Variants in SH3PXD2A observed in about 807,000 individuals in gnomAD.
The protein encoded by SH3PXD2A is SH3 and PX domain-containing protein 2A.
In SH3PXD2A, 32 loss-of-function variants were observed where a neutral mutation model predicts 115.2. The ratio of observed to expected loss-of-function variants is 0.28; its 90% confidence interval spans 0.21 to 0.37. SH3PXD2A has a LOEUF of 0.37. SH3PXD2A is among the 10% of genes least tolerant of loss of function. The pLI is 1.00. For synonymous variants in SH3PXD2A, 610 were observed against 629.1 expected, an observed-to-expected ratio of 0.97 and a Z score of 0.45; for missense variants, 1,328 against 1,498.7, an observed-to-expected ratio of 0.89 and a Z score of 1.88.
intron 5 of SH3PXD2A, 43 bp from the exon 6 acceptor site, chr10:103,693,099 C>T (rs753997646): frequency 6.3e-7 from 1 of 1,599,458 alleles, no homozygotes. Flanking sequence ...TAGGGCCGGG[C>T]GCGAGCGCGG....
chr10:103,803,715 A>T (rs1440952327), intron 1 of SH3PXD2A, among the ~76,000 whole-genome samples: 2 of 152,238 alleles, frequency 1.3e-5, no homozygotes, highest in Non-Finnish European at 2.9e-5. Flanking sequence ...GGACTGAATG[A>T]CATTGTCTAC....
Position 103,627,033 on chromosome 10 carries a change from A to G in SH3PXD2A, c.718+56T>C. On this transcript the variant is annotated intron_variant, in intron 9 of 14. Transcript: ENST00000369774. This position sits in a 1 kb window ranked among gnomAD's most constrained non-coding sequence, Gnocchi z 4.4. Reference sequence around the variant, plus strand: ...CTGTTGGTTCTAGGGAAAGAGTGAGAGAGCTGCCTCCAGAGGCCGCGTTGC... The same window carrying G: ...CTGTTGGTTCTAGGGAAAGAGTGAGGGAGCTGCCTCCAGAGGCCGCGTTGC... 1.1e-6 allele frequency: 1 copy of G among 923,602 alleles called. No individual in the cohort carries two copies. The highest frequency in any genetic ancestry group is 1.8e-6 in the Non-Finnish European group (1 of 555,046). The allele number at this position is 923,602 out of a possible 1,614,324, so 57.2% of individuals were successfully genotyped here. A position where few individuals can be genotyped will look rare whatever the true frequency, so the allele number is the denominator to read the frequency against.
At chr10:103,633,676 C>T (rs934863019) in intron 8 of SH3PXD2A, among the ~76,000 whole-genome samples, 7 of 127,752 alleles carry the variant, frequency 5.5e-5, no homozygotes, top group Admixed American at 1.0e-4. Flanking sequence ...TTCAGTGAGC[C>T]GAGATCATGC....
chr10:103,666,923 A>G lies in SH3PXD2A; in HGVS notation c.472+1685T>C, dbSNP rs1302165604. ...AGGCCGGGGGCTGTGTCCCTGCAAC[A>G]TGCCCCTCCCAGACCCTACCTTCAG... is the stretch of plus-strand genomic sequence containing the variant. On this transcript the variant is annotated intron_variant, in intron 7 of 14. Coordinates refer to ENST00000369774, the MANE Select transcript of SH3PXD2A (RefSeq NM_001394015.1). The surrounding 1 kb of genome is among the most constrained non-coding windows in gnomAD (Gnocchi z 4.5). Among the ~76,000 whole-genome samples the G allele has an allele frequency of 2.0e-5, 3 of 152,128 alleles. No homozygotes were observed. Among genetic ancestry groups the G allele is most frequent in the Non-Finnish European group, 4.4e-5 (3 of 68,018 alleles).
chr10:103,734,241 A>G (rs945610144), intron 4 of SH3PXD2A, among the ~76,000 whole-genome samples: 1 of 152,150 alleles, frequency 6.6e-6, no homozygotes, highest in Admixed American at 6.5e-5. Flanking sequence ...ACATTATAAC[A>G]CATTATACCA....
chr10:103,765,222 C>T (rs56030972), intron 3 of SH3PXD2A, among the ~76,000 whole-genome samples: 12,419 of 152,216 alleles, frequency 0.082, 619 homozygotes, highest in South Asian at 0.14. Flanking sequence ...GCTGAGGTAG[C>T]GGCAGTACAC....
chr10:103,630,124 C>T (rs2036757046), intron 8 of SH3PXD2A, among the ~76,000 whole-genome samples: 1 of 152,268 alleles, frequency 6.6e-6, no homozygotes, highest in African/African-American at 2.4e-5. Context: ...TGGAGCAGCA[C>T]CACCATCCTC....
chr10:103,657,222 A>T (rs1405929471), intron 8 of SH3PXD2A, among the ~76,000 whole-genome samples: 1 of 152,006 alleles, frequency 6.6e-6, no homozygotes, highest in African/African-American at 2.4e-5. Context: ...AAGGTGAGGC[A>T]GGAAAAATTT....
chr10:103,769,181 T>TGC (rs139822501), intron 2 of SH3PXD2A, among the ~76,000 whole-genome samples: 2,276 of 112,852 alleles, frequency 0.02, 27 homozygotes, highest in South Asian at 0.033. Flanking sequence ...TGTGTGTGTG[T>TGC]GCGCGCGCGC....
At chr10:103,801,487 C>A in intron 1 of SH3PXD2A, 125 bp from the exon 2 acceptor site, 1 of 618,310 alleles carries the variant, frequency 1.6e-6, no homozygotes, top group East Asian at 3.3e-5. Flanking sequence ...CTCATCTGTC[C>A]CTAGGGGCTA....
At chr10:103,831,120 T>C (rs1360272093) in intron 1 of SH3PXD2A, among the ~76,000 whole-genome samples, 2 of 152,268 alleles carry the variant, frequency 1.3e-5, no homozygotes, top group Non-Finnish European at 2.9e-5. Flanking sequence ...GAATAATTTT[T>C]AATTTACATA....
chr10:103,726,916 CT>C (rs1258154435), intron 4 of SH3PXD2A, among the ~76,000 whole-genome samples: 1 of 152,172 alleles, frequency 6.6e-6, no homozygotes, highest in African/African-American at 2.4e-5. Context: ...GGTCATGGCT[CT>C]CCAAGGGTCT....
At chr10:103,783,399 C>T (rs1352051545) in intron 2 of SH3PXD2A, among the ~76,000 whole-genome samples, 4 of 152,064 alleles carry the variant, frequency 2.6e-5, no homozygotes, top group African/African-American at 7.2e-5. Context: ...GGCTGGACCA[C>T]GGTGGGGGCA....
chr10:103,831,532 G>A (rs1016550571), intron 1 of SH3PXD2A, among the ~76,000 whole-genome samples: 26 of 152,082 alleles, frequency 1.7e-4, no homozygotes, highest in South Asian at 4.1e-4. Context: ...CCATTTTAAC[G>A]TGTACAATTT....
chr10:103,633,886 C>G (rs182200492), intron 8 of SH3PXD2A, among the ~76,000 whole-genome samples: 1 of 152,312 alleles, frequency 6.6e-6, no homozygotes, highest in East Asian at 1.9e-4. Context: ...ATAGAAGCTT[C>G]TGGTGCAGCA....
rs1424378437 is a variant in SH3PXD2A, at chr10:103,854,449, C to T, written c.72+746G>A. Among the ~76,000 whole-genome samples, 3 of 152,268 alleles carry T rather than the reference C, an allele frequency of 2.0e-5. No individual in the cohort carries two copies. The East Asian group carries it at 5.8e-4, about 29-fold the overall frequency. On this transcript the variant is annotated intron_variant, in intron 1 of 14. Transcript: ENST00000369774. ...ACATAGGCTCTGGAGCTGCCCCAGT[C>T]AACCTTAACCCCTTCTCATTAAAGT...
Position 103,801,522 on chromosome 10 carries a change from T to G in SH3PXD2A, c.73-160A>C, listed in dbSNP as rs558624699. Among the ~76,000 whole-genome samples, 3 of 105,068 alleles carry G rather than the reference T, an allele frequency of 2.9e-5. No homozygotes were observed. The South Asian group carries it at 7.8e-4, about 27-fold the overall frequency. The allele number at this position is 105,068 out of a possible 152,430, so 68.9% of individuals were successfully genotyped here. ...AGCACAGTATCAGCTACCATGTAGA[T>G]GCTACAATATATGTCTAAATACACA... On this transcript the variant is annotated intron_variant, in intron 1 of 14. Coordinates refer to ENST00000369774, the MANE Select transcript of SH3PXD2A (RefSeq NM_001394015.1).
At position 103,769,181 on chromosome 10, in the gene SH3PXD2A, T is replaced by TGTGTGCGC. The variant is rs1554921417; in HGVS notation, c.154-2013_154-2012insGCGCACAC. ...GTGTGTGTGTGTGTGTGTGTGTGTG[T>TGTGTGCGC]GCGCGCGCGCGCGCATTTATTTCCA... On this transcript the variant is annotated intron_variant, in intron 2 of 14. Coordinates refer to ENST00000369774, the MANE Select transcript of SH3PXD2A (RefSeq NM_001394015.1). Among the ~76,000 whole-genome samples the TGTGTGCGC allele has an allele frequency of 1.2e-3, 141 of 112,948 alleles. 1 individual carries two copies. The highest frequency in any genetic ancestry group is 3.9e-3 in the African/African-American group (130 of 33,284). 74.1% of individuals were successfully genotyped at this position (112,948 alleles called of 152,430 possible). A position where few individuals can be genotyped will look rare whatever the true frequency, so the allele number is the denominator to read the frequency against.
chr10:103,606,176 CTATCAT>C, intron 13 of SH3PXD2A, among the ~76,000 whole-genome samples: 1 of 113,778 alleles, frequency 8.8e-6, no homozygotes, highest in African/African-American at 3.4e-5. Context: ...ATTACTATTA[CTATCAT>C]CATCATCATC....
Sources: allele counts gnomAD v4.1 joint callset (sites outside exome capture counted in the v4.1 genomes callset), GRCh38; gene constraint gnomAD v4.1.1; non-coding constraint Gnocchi (gnomAD v3.1); transcripts MANE v1.5; gene names NCBI Gene and HGNC (gene_info 2026-07-23, HGNC 2026-07-21).